The following CYFIP2 variants were observed in gnomAD, a reference collection of about 807,000 sequenced individuals.
The protein encoded by CYFIP2 is cytoplasmic FMR1 interacting protein 2.
Under a neutral mutation model 158.7 loss-of-function variants are expected in CYFIP2, and 29 were observed. The observed-to-expected ratio is 0.18, with a 90% CI of 0.14 to 0.25. The LOEUF is 0.25. CYFIP2 is among the 10% of genes least tolerant of loss of function. The probability of loss-of-function intolerance (pLI) is 1.00; values close to 1 mark genes in which losing one functional copy is unlikely to be tolerated. For synonymous variants in CYFIP2, 585 were observed against 617.6 expected (o/e 0.95, Z 0.78); for missense variants, 852 against 1,639.5 (o/e 0.52, Z 8.29).
At position 157,359,874 on chromosome 5, in the gene CYFIP2, A is replaced by T. The variant is rs892166087; in HGVS notation, c.2818-408A>T. Among the ~76,000 whole-genome samples, 26 of 152,348 alleles carry T rather than the reference A, an allele frequency of 1.7e-4. 1 individual carries two copies. Among genetic ancestry groups the T allele is most frequent in the African/African-American group, 4.8e-4 (20 of 41,576 alleles). ...TTACAGATTGTGGAGCTAAATCCAGAGTAAAACAAGAAAATGTGGTAATTG... is the reference window on the plus strand; with the variant it reads ...TTACAGATTGTGGAGCTAAATCCAGTGTAAAACAAGAAAATGTGGTAATTG... On this transcript the variant is annotated intron_variant, in intron 24 of 30. Transcript: ENST00000620254.
At chr5:157,338,080 T>C (rs1356982667) in intron 21 of CYFIP2, among the ~76,000 whole-genome samples, 1 of 152,222 alleles carries the variant, frequency 6.6e-6, no homozygotes, top group Non-Finnish European at 1.5e-5. Flanking sequence ...AAGACTGTAC[T>C]TTGATTCCTT....
rs1759669018 is a variant in CYFIP2 at position 157,311,021 on chromosome 5, C to A, written c.993-643C>A. 2.2e-6 allele frequency: 1 copy of A among 451,298 alleles called. No individual in the cohort carries two copies. Among genetic ancestry groups the A allele is most frequent in the Non-Finnish European group, 4.4e-6 (1 of 226,486 alleles). 28.0% of individuals were successfully genotyped at this position (451,298 alleles called of 1,614,324 possible). On this transcript the variant is annotated intron_variant, in intron 10 of 30. Transcript: ENST00000620254. This position sits in a 1 kb window ranked among gnomAD's most constrained non-coding sequence, Gnocchi z 4.7. ...CTTAGGATGGTTTTCCTAATGACAT[C>A]TTTTCACAAGGCGTGGAAAAAAGGC...
intron 28 of CYFIP2, among the ~76,000 whole-genome samples, chr5:157,387,671 A>G (rs1332836619): frequency 3.0e-5 from 4 of 134,528 alleles, no homozygotes; most frequent in Non-Finnish European, 6.4e-5. Flanking sequence ...ACACAGGCTC[A>G]GGATTTTTTT....
chr5:157,348,753 G>C (rs1762866305), intron 23 of CYFIP2, among the ~76,000 whole-genome samples: 1 of 152,030 alleles, frequency 6.6e-6, no homozygotes, highest in South Asian at 2.1e-4. Context: ...TATGAGATCA[G>C]ATAGTTGCTC....
At chr5:157,280,875 A>G (rs765544506) in intron 1 of CYFIP2, among the ~76,000 whole-genome samples, 14 of 152,152 alleles carry the variant, frequency 9.2e-5, no homozygotes, top group South Asian at 2.1e-4. Flanking sequence ...CCTAAATACA[A>G]TATTTCCTTC....
At chr5:157,296,616 C>T in intron 4 of CYFIP2, 57 bp from the exon 5 acceptor site, 1 of 1,512,428 alleles carries the variant, frequency 6.6e-7, no homozygotes, top group Non-Finnish European at 9.2e-7. Context: ...AAACAAAAAA[C>T]AGTAATAAGA....
chr5:157,303,182 T>TCCTAGAC, intron 7 of CYFIP2: 1 of 315,596 alleles, frequency 3.2e-6, no homozygotes, highest in Non-Finnish European at 5.9e-6. Context: ...TGTTTTGTAA[T>TCCTAGAC]CCTAGACCAC....
chr5:157,294,513 C>T (rs982644177), intron 3 of CYFIP2, among the ~76,000 whole-genome samples: 1 of 152,172 alleles, frequency 6.6e-6, no homozygotes, highest in Non-Finnish European at 1.5e-5. Context: ...CTAAGGTAGC[C>T]ATCCATCTGT....
At chr5:157,287,631 T>G (rs1258385449) in intron 3 of CYFIP2, among the ~76,000 whole-genome samples, 1 of 152,232 alleles carries the variant, frequency 6.6e-6, no homozygotes, top group Non-Finnish European at 1.5e-5. Context: ...CCATTGATTT[T>G]ATTCTCATGC....
chr5:157,341,849 T>A (rs1229887983), intron 23 of CYFIP2: 1 of 152,198 alleles, frequency 6.6e-6, no homozygotes, highest in African/African-American at 2.4e-5. Flanking sequence ...AGGCGTCTTC[T>A]CCAGAACAGC....
chr5:157,351,405 G>A (rs1443816095), intron 23 of CYFIP2, among the ~76,000 whole-genome samples: 1 of 152,114 alleles, frequency 6.6e-6, no homozygotes, highest in East Asian at 1.9e-4. Flanking sequence ...ATTTTTTAAT[G>A]TATATGCTCA....
At chr5:157,359,302 C>A (rs543692899) in intron 24 of CYFIP2, among the ~76,000 whole-genome samples, 154 bp downstream of exon 24, 1 of 152,296 alleles carries the variant, frequency 6.6e-6, no homozygotes, top group South Asian at 2.1e-4. Context: ...TGCCCATATC[C>A]CTGGATTGGT....
rs70984468 is a variant in CYFIP2 at position 157,379,668 on chromosome 5, CAAAAA to C, written c.3040-2901_3040-2897del. 2.1e-3 allele frequency among the ~76,000 whole-genome samples: 154 copies of C among 73,640 alleles called. 3 individuals are homozygous for C. The highest frequency in any genetic ancestry group is 5.6e-3 in the Admixed American group (27 of 4,834). 48.3% of individuals were successfully genotyped at this position (73,640 alleles called of 152,430 possible). A position where few individuals can be genotyped will look rare whatever the true frequency, so the allele number is the denominator to read the frequency against. On this transcript the variant is annotated intron_variant, in intron 26 of 30. Transcript: ENST00000620254. ...CAGGCAAGGGAGCAAGACCCTGTCTCAAAAAAAAAAAAAAAAAAAAAAAAACCCAC... is the reference window on the plus strand; with the variant it reads ...CAGGCAAGGGAGCAAGACCCTGTCTCAAAAAAAAAAAAAAAAAAAACCCAC...
chr5:157,382,978 T>G (rs1766279159), intron 27 of CYFIP2, among the ~76,000 whole-genome samples: 1 of 152,228 alleles, frequency 6.6e-6, no homozygotes, highest in South Asian at 2.1e-4. Context: ...CTAACATATC[T>G]CTAGTATAGT....
At chr5:157,332,790 G>A (rs780534656) in intron 20 of CYFIP2, among the ~76,000 whole-genome samples, 4 of 152,196 alleles carry the variant, frequency 2.6e-5, no homozygotes, top group Admixed American at 6.5e-5. Flanking sequence ...GACTACAGGC[G>A]TACACCACCA....
intron 16 of CYFIP2, among the ~76,000 whole-genome samples, 172 bp downstream of exon 16, chr5:157,324,246 G>A (rs562034562): frequency 6.6e-6 from 1 of 152,360 alleles, no homozygotes; most frequent in East Asian, 1.9e-4. Flanking sequence ...TTGGAGCTAG[G>A]AAAGGCCAGG....
At position 157,389,142 on chromosome 5, in the gene CYFIP2, G is replaced by A. The variant is rs755588142; in HGVS notation, c.3208-47G>A. Reference sequence around the variant, plus strand: ...GAATCTGTGGTGGGAGGTGGCAGATGGGCTCTAAGATGTGGATAGAAGGTG... The same window carrying A: ...GAATCTGTGGTGGGAGGTGGCAGATAGGCTCTAAGATGTGGATAGAAGGTG... On this transcript the variant is annotated intron_variant, in intron 28 of 30. Coordinates refer to ENST00000620254, the MANE Select transcript of CYFIP2 (RefSeq NM_001037333.3). 5.3e-6 allele frequency: 8 copies of A among 1,523,452 alleles called. No individual in the cohort carries two copies. In the South Asian group the frequency reaches 7.6e-5, roughly 14 times the overall value. The allele number at this position is 1,523,452 out of a possible 1,614,324, so 94.4% of individuals were successfully genotyped here. A position where few individuals can be genotyped will look rare whatever the true frequency, so the allele number is the denominator to read the frequency against.
intron 9 of CYFIP2, among the ~76,000 whole-genome samples, chr5:157,309,155 G>C (rs1458316236): frequency 6.6e-6 from 1 of 152,156 alleles, no homozygotes; most frequent in African/African-American, 2.4e-5. Flanking sequence ...AGACTTCACA[G>C]GGCTATTGTG....
At chr5:157,306,118 A>G (rs1759199267) in intron 8 of CYFIP2, among the ~76,000 whole-genome samples, 1 of 151,908 alleles carries the variant, frequency 6.6e-6, no homozygotes, top group African/African-American at 2.4e-5. Context: ...TCACCTCTCA[A>G]TGTTCTGGTG....
Sources: allele counts gnomAD v4.1 joint callset (sites outside exome capture counted in the v4.1 genomes callset), GRCh38; gene constraint gnomAD v4.1.1; non-coding constraint Gnocchi (gnomAD v3.1); transcripts MANE v1.5; gene names NCBI Gene and HGNC (gene_info 2026-07-23, HGNC 2026-07-21).